Variants in GALNTL6 observed in about 807,000 individuals in gnomAD.
The protein encoded by GALNTL6 is polypeptide N-acetylgalactosaminyltransferase like 6.
In GALNTL6, 46 loss-of-function variants were observed where a neutral mutation model predicts 73.7. The observed-to-expected ratio is 0.62, with a 90% CI of 0.49 to 0.80. The LOEUF (loss-of-function observed/expected upper bound fraction) is 0.80. Ranked by LOEUF, GALNTL6 falls within the 30% of genes least tolerant of loss-of-function variation. The probability of loss-of-function intolerance (pLI) is 0.00; values close to 1 mark genes in which losing one functional copy is unlikely to be tolerated. For synonymous variants in GALNTL6, 259 were observed against 263.7 expected (o/e 0.98, Z 0.17); for missense variants, 604 against 755.0 (o/e 0.80, Z 2.34).
chr4:172,326,782 T>G (rs1389581179), intron 4 of GALNTL6, among the ~76,000 whole-genome samples: 2 of 151,966 alleles, frequency 1.3e-5, no homozygotes, highest in African/African-American at 4.8e-5. Context: ...TGGATTAATT[T>G]TATATTTCTA....
At chr4:172,106,793 C>A (rs1732686605) in intron 2 of GALNTL6, among the ~76,000 whole-genome samples, 1 of 152,122 alleles carries the variant, frequency 6.6e-6, no homozygotes, top group Admixed American at 6.6e-5. Flanking sequence ...AAAAAAGGGA[C>A]CAACTATAGT....
At chr4:172,874,506 C>T (rs997446370) in intron 7 of GALNTL6, among the ~76,000 whole-genome samples, 1 of 152,134 alleles carries the variant, frequency 6.6e-6, no homozygotes, top group African/African-American at 2.4e-5. Flanking sequence ...TTCAGAGTCC[C>T]CATCCTGATA....
intron 2 of GALNTL6, among the ~76,000 whole-genome samples, chr4:171,993,075 T>G (rs950133342): frequency 6.6e-6 from 1 of 151,900 alleles, no homozygotes; most frequent in Non-Finnish European, 1.5e-5. Context: ...TTTTCGTCTC[T>G]GCCAACTCCC....
intron 2 of GALNTL6, among the ~76,000 whole-genome samples, chr4:171,845,564 A>C (rs984514314): frequency 1.3e-5 from 2 of 152,184 alleles, no homozygotes; most frequent in Non-Finnish European, 2.9e-5. Flanking sequence ...GAACGTGAGC[A>C]TAAGTCATAT....
At chr4:172,606,180 T>C (rs1738249402) in intron 5 of GALNTL6, among the ~76,000 whole-genome samples, 1 of 152,116 alleles carries the variant, frequency 6.6e-6, no homozygotes, top group South Asian at 2.1e-4. Context: ...ATAATAGCAC[T>C]ATAAAGGATG....
chr4:172,710,988 A>G (rs935659946), intron 5 of GALNTL6, among the ~76,000 whole-genome samples: 2 of 152,144 alleles, frequency 1.3e-5, no homozygotes, highest in South Asian at 2.1e-4. Context: ...GCCAGCACCA[A>G]CTGAAATATC....
intron 5 of GALNTL6, among the ~76,000 whole-genome samples, chr4:172,594,272 G>A (rs1737764736): frequency 6.6e-6 from 1 of 152,132 alleles, no homozygotes; most frequent in Non-Finnish European, 1.5e-5. Context: ...TTGAACCCAG[G>A]AGGTGGAGGT....
intron 5 of GALNTL6, among the ~76,000 whole-genome samples, chr4:172,583,276 T>A (rs556324507): frequency 3.3e-5 from 5 of 152,288 alleles, no homozygotes; most frequent in African/African-American, 1.2e-4. Context: ...CCAATGTATC[T>A]TATAATATTT....
intron 10 of GALNTL6, among the ~76,000 whole-genome samples, chr4:172,991,555 A>T (rs1751546649): frequency 6.6e-6 from 1 of 151,830 alleles, no homozygotes; most frequent in Non-Finnish European, 1.5e-5. Context: ...GCATGCCACC[A>T]CACTCAGCTA....
rs368938629 is a variant in GALNTL6, at chr4:172,414,402, T to C, written c.553+65713T>C. 6.6e-4 allele frequency among the ~76,000 whole-genome samples: 100 copies of C among 152,296 alleles called. 5 individuals carry two copies. In the South Asian group the frequency reaches 0.02, roughly 31 times the overall value. On this transcript the variant is annotated intron_variant, in intron 5 of 12. Coordinates refer to ENST00000506823, the MANE Select transcript of GALNTL6 (RefSeq NM_001034845.3). Reference sequence around the variant, plus strand: ...CAGATTTGATATAATTATGAAATGATTTATATCTCTAAACCCAATATGTTC... The same window carrying C: ...CAGATTTGATATAATTATGAAATGACTTATATCTCTAAACCCAATATGTTC...
chr4:173,000,099 C>T (rs1379343277), intron 10 of GALNTL6, among the ~76,000 whole-genome samples: 1 of 152,090 alleles, frequency 6.6e-6, no homozygotes, highest in African/African-American at 2.4e-5. Flanking sequence ...ATCTATTGAG[C>T]ACATAATATG....
intron 5 of GALNTL6, among the ~76,000 whole-genome samples, chr4:172,354,068 T>C (rs1742063940): frequency 2.0e-5 from 3 of 152,160 alleles, no homozygotes; most frequent in Admixed American, 2.0e-4. Flanking sequence ...AGTGCCTTTT[T>C]ATTTTATATT....
At chr4:173,026,105 A>G (rs1025111599) in intron 12 of GALNTL6, among the ~76,000 whole-genome samples, 2 of 152,206 alleles carry the variant, frequency 1.3e-5, no homozygotes, top group African/African-American at 2.4e-5. Flanking sequence ...AGATTATAGC[A>G]TATGTCTTAA....
At chr4:172,713,607 T>C in intron 5 of GALNTL6, among the ~76,000 whole-genome samples, 1 of 152,100 alleles carries the variant, frequency 6.6e-6, no homozygotes, top group Admixed American at 6.6e-5. Flanking sequence ...TGCATAAAAT[T>C]AACTGTCACA....
At chr4:172,373,384 G>A (rs1370495781) in intron 5 of GALNTL6, among the ~76,000 whole-genome samples, 1 of 151,736 alleles carries the variant, frequency 6.6e-6, no homozygotes, top group Non-Finnish European at 1.5e-5. Flanking sequence ...TGCCTCATTG[G>A]TGAGTCTAAG....
chr4:173,038,801 C>G (rs1487533167), intron 12 of GALNTL6, among the ~76,000 whole-genome samples: 4 of 152,166 alleles, frequency 2.6e-5, no homozygotes, highest in African/African-American at 9.7e-5. Context: ...CAGGAGCAAC[C>G]CAGAAATGTT....
chr4:171,828,902 T>C (rs569860704), intron 2 of GALNTL6, among the ~76,000 whole-genome samples: 2 of 152,292 alleles, frequency 1.3e-5, no homozygotes, highest in African/African-American at 4.8e-5. Context: ...CTCAAAATGC[T>C]GGAATTACAG....
intron 5 of GALNTL6, among the ~76,000 whole-genome samples, chr4:172,566,736 A>G (rs1257097847): frequency 1.3e-5 from 2 of 151,966 alleles, no homozygotes; most frequent in Non-Finnish European, 2.9e-5. Context: ...AAATAAATGG[A>G]ACTAAAAAAA....
At chr4:171,884,318 G>GTAT in intron 2 of GALNTL6, among the ~76,000 whole-genome samples, 1 of 152,202 alleles carries the variant, frequency 6.6e-6, no homozygotes, top group Non-Finnish European at 1.5e-5. Context: ...AAGAAAAGTA[G>GTAT]TATTTATTAC....
Sources: gnomAD v4.1 joint callset for allele counts (sites outside exome capture counted in the v4.1 genomes callset) on GRCh38, gnomAD v4.1.1 for gene constraint, MANE v1.5 for transcripts, NCBI Gene and HGNC (gene_info 2026-07-23, HGNC 2026-07-21) for gene names.